Variants in BRDT observed in about 807,000 individuals in gnomAD.
BRDT encodes the protein bromodomain testis associated, also known as bromodomain testis-specific protein.
A neutral mutation model predicts 113.9 loss-of-function variants in BRDT; 77 were observed. The observed-to-expected ratio is 0.68, with a 90% CI of 0.56 to 0.82. BRDT has a LOEUF of 0.82. BRDT is among the 40% of genes least tolerant of loss of function. The pLI is 0.00. For synonymous variants in BRDT, 358 were observed against 366.5 expected (o/e 0.98, Z 0.26); for missense variants, 1,027 against 1,105.4 (o/e 0.93, Z 1.01).
chr1:91,983,767 C>T lies in BRDT; in HGVS notation c.2002+2012C>T, dbSNP rs143300180. Reference sequence around the variant, plus strand: ...GCAGTGATGTGATTGTGGCCTCCTCCGCCTCCTGGGTTCAAGTGATCCTCC... The same window carrying T: ...GCAGTGATGTGATTGTGGCCTCCTCTGCCTCCTGGGTTCAAGTGATCCTCC... On this transcript the variant is annotated intron_variant, in intron 12 of 18. Coordinates refer to ENST00000399546, the MANE Select transcript of BRDT (RefSeq NM_207189.4). 1.2e-3 allele frequency among the ~76,000 whole-genome samples: 178 copies of T among 151,838 alleles called. 1 individual carries two copies. The East Asian group carries it at 0.025, about 21-fold the overall frequency.
intron 4 of BRDT, among the ~76,000 whole-genome samples, chr1:91,969,016 A>C (rs552449733): frequency 4.6e-5 from 7 of 152,002 alleles, no homozygotes; most frequent in African/African-American, 1.4e-4. Flanking sequence ...GGCTCACTGC[A>C]AGCTCTGCCT....
intron 1 of BRDT, among the ~76,000 whole-genome samples, chr1:91,956,394 T>A (rs1681772329): frequency 6.6e-6 from 1 of 151,958 alleles, no homozygotes; most frequent in Non-Finnish European, 1.5e-5. Context: ...TGTAATGACC[T>A]TGACTTTTGT....
intron 7 of BRDT, 89 bp downstream of exon 7, chr1:91,978,385 A>T (rs1684359810): frequency 2.0e-6 from 3 of 1,467,584 alleles, no homozygotes; most frequent in Admixed American, 2.1e-5. Flanking sequence ...ATAAAGAATA[A>T]TAACTCCTAC....
intron 15 of BRDT, among the ~76,000 whole-genome samples, chr1:91,995,782 A>C (rs1427848284): frequency 1.3e-5 from 2 of 152,036 alleles, no homozygotes; most frequent in Non-Finnish European, 2.9e-5. Context: ...GATTACAGGC[A>C]TGTACCACCA....
chr1:91,952,777 C>CAAA (rs66618367), intron 1 of BRDT, among the ~76,000 whole-genome samples: 40,857 of 74,478 alleles, frequency 0.55, 10,290 homozygotes, highest in Non-Finnish European at 0.63. Context: ...GACCCATCTC[C>CAAA]AAAAAAAAAA....
chr1:91,975,919 C>T (rs1193029865), intron 4 of BRDT, among the ~76,000 whole-genome samples: 1 of 152,150 alleles, frequency 6.6e-6, no homozygotes, highest in Non-Finnish European at 1.5e-5. Flanking sequence ...TTCTGAAGAC[C>T]TCACATAGTA....
At chr1:91,990,897 A>T (rs950313065) in intron 12 of BRDT, among the ~76,000 whole-genome samples, 4 of 152,244 alleles carry the variant, frequency 2.6e-5, no homozygotes, top group Middle Eastern at 3.4e-3. Context: ...TCCCAGGTTT[A>T]AGCAATTCTC....
chr1:91,964,706 C>A lies in BRDT; in HGVS notation c.272C>A (p.Ala91Asp). 6.5e-7 allele frequency: 1 copy of A among 1,529,366 alleles called. No individual in the cohort carries two copies. Among genetic ancestry groups the A allele is most frequent in the Non-Finnish European group, 8.9e-7 (1 of 1,119,322 alleles). The allele number at this position is 1,529,366 out of a possible 1,614,324, so 94.7% of individuals were successfully genotyped here. A position where few individuals can be genotyped will look rare whatever the true frequency, so the allele number is the denominator to read the frequency against. The change falls in exon 3 of 19, where the codon GCT becomes GAT. Residue 91 changes from alanine to aspartate, a missense_variant. Transcript: ENST00000399546. ...KRLENKYYAK[A>D]SECIEDFNTM... ...TTGGAGAATAAATATTATGCGAAGGCTTCAGAATGTATAGAAGACTTCAAT... is the reference window on the plus strand; with the variant it reads ...TTGGAGAATAAATATTATGCGAAGGATTCAGAATGTATAGAAGACTTCAAT...
intron 6 of BRDT, 115 bp downstream of exon 6, chr1:91,977,508 C>A: frequency 1.1e-6 from 1 of 913,736 alleles, no homozygotes. Flanking sequence ...TCATCCAAGT[C>A]ACACTATCTG....
chr1:91,982,004 G>A (rs1274631380), intron 12 of BRDT, among the ~76,000 whole-genome samples: 1 of 152,074 alleles, frequency 6.6e-6, no homozygotes, highest in African/African-American at 2.4e-5. Context: ...CTCAAGGAGG[G>A]ATAGTCTCAA....
chr1:91,977,328 A>G lies in BRDT; in HGVS notation c.904A>G (p.Asn302Asp), dbSNP rs200861870. ...GCCCTTTTATAATCCTGTTGACGTT[A>G]ATGCTTTGGGACTCCATAACTACTA... ...AWPFYNPVDVNALGLHNYYDV... is the reference protein window; with the variant it reads ...AWPFYNPVDVDALGLHNYYDV... The change falls in exon 6 of 19, where the codon AAT becomes GAT. Residue 302 changes from asparagine (N) to aspartate (D), a missense_variant. By Grantham distance (23) the Asn-to-Asp change is conservative (BLOSUM62 1). Transcript: ENST00000399546. 7 of 1,613,852 alleles carry G rather than the reference A, an allele frequency of 4.3e-6. No individual in the cohort carries two copies. In the African/African-American group the frequency reaches 9.3e-5, roughly 22 times the overall value.
At chr1:92,004,343 A>G (rs1357181587) in intron 16 of BRDT, 71 bp from the exon 17 acceptor site, 2 of 1,105,714 alleles carry the variant, frequency 1.8e-6, no homozygotes, top group African/African-American at 1.6e-5. Flanking sequence ...TGTATCATCA[A>G]AAAATGTTTT....
rs1557869256 is a variant in BRDT at position 92,007,896 on chromosome 1, T to TTC, written c.2775+2597_2775+2598insTC. Among the ~76,000 whole-genome samples, 134 of 150,774 alleles carry TTC rather than the reference T, an allele frequency of 8.9e-4. 1 individual carries two copies. The highest frequency in any genetic ancestry group is 3.4e-3 in the Middle Eastern group (1 of 294). On this transcript the variant is annotated intron_variant, in intron 18 of 18. Coordinates refer to ENST00000399546, the MANE Select transcript of BRDT (RefSeq NM_207189.4). ...TCATTCCTTTATTTATTTATTTATT[T>TTC]ATTCATTCATTCATTCATTCATTCA...
intron 15 of BRDT, among the ~76,000 whole-genome samples, chr1:91,997,118 A>T (rs1345699620): frequency 6.6e-6 from 1 of 150,524 alleles, no homozygotes; most frequent in Non-Finnish European, 1.5e-5. Context: ...AGGAAGATAG[A>T]TTTTTTTTTT....
rs1050120563 is a variant in BRDT at position 91,977,316 on chromosome 1, C to G, written c.892C>G (p.Pro298Ala). Reference protein sequence around the residue: ...HFSYAWPFYNPVDVNALGLHN... With the variant: ...HFSYAWPFYNAVDVNALGLHN... Reference sequence around the variant, plus strand: ...TTCATATGCATGGCCCTTTTATAATCCTGTTGACGTTAATGCTTTGGGACT... The same window carrying G: ...TTCATATGCATGGCCCTTTTATAATGCTGTTGACGTTAATGCTTTGGGACT... Residue 298 changes from proline to alanine, a missense_variant, in exon 6 of 19, where the codon CCT (proline) becomes GCT (alanine). Transcript: ENST00000399546. 1 of 1,613,904 alleles carries G rather than the reference C, an allele frequency of 6.2e-7. No homozygotes were observed. Among genetic ancestry groups the G allele is most frequent in the Non-Finnish European group, 8.5e-7 (1 of 1,179,960 alleles).
At position 91,981,076 on chromosome 1, in the gene BRDT, G is replaced by C. The variant is rs141699970; in HGVS notation, c.1648G>C (p.Asp550His). The C allele has an allele frequency of 6.0e-5, 97 of 1,614,046 alleles. No homozygotes were observed. In the African/African-American group the frequency reaches 1.2e-3, roughly 20 times the overall value. ...GCCTTCTCTGAGCAATTCCAATCCTGATGAGATAGAGATAGACTTTGAAAC... is the reference window on the plus strand; with the variant it reads ...GCCTTCTCTGAGCAATTCCAATCCTCATGAGATAGAGATAGACTTTGAAAC... ...REPSLSNSNP[D>H]EIEIDFETLK... Residue 550 changes from aspartate (D) to histidine (H), a missense_variant, in exon 10 of 19, where the codon GAT becomes CAT. Transcript: ENST00000399546.
At chr1:91,968,988 G>A (rs1010443135) in intron 4 of BRDT, among the ~76,000 whole-genome samples, 20 of 152,026 alleles carry the variant, frequency 1.3e-4, no homozygotes, top group African/African-American at 3.9e-4. Flanking sequence ...CCAGGCTGGA[G>A]TGCAGTAGTG....
At chr1:92,005,081 C>T in intron 17 of BRDT, 38 bp from the exon 18 acceptor site, 1 of 1,394,120 alleles carries the variant, frequency 7.2e-7, no homozygotes, top group Non-Finnish European at 9.4e-7. Context: ...TTTTAAGGAA[C>T]TTGAAACCTA....
chr1:92,001,869 G>A lies in BRDT; in HGVS notation c.2288-180G>A, dbSNP rs566545575. ...AAGAGCAAAGTGGTAACTTTCAAAT[G>A]AGAAATATTTTATAGTATAACAAGT... On this transcript the variant is annotated intron_variant, in intron 15 of 18. Coordinates refer to ENST00000399546, the MANE Select transcript of BRDT (RefSeq NM_207189.4). 2.0e-5 allele frequency among the ~76,000 whole-genome samples: 3 copies of A among 152,242 alleles called. No homozygotes were observed. The South Asian group carries it at 6.2e-4, about 32-fold the overall frequency.
Sources: allele counts gnomAD v4.1 joint callset (sites outside exome capture counted in the v4.1 genomes callset), GRCh38; gene constraint gnomAD v4.1.1; transcripts MANE v1.5; gene names NCBI Gene and HGNC (gene_info 2026-07-23, HGNC 2026-07-21).